The following XRCC4 variants were observed in gnomAD, a reference collection of about 807,000 sequenced individuals.
XRCC4 encodes X-ray repair cross complementing 4.
Under a neutral mutation model 39.1 loss-of-function variants are expected in XRCC4, and 28 were observed. The observed-to-expected ratio is 0.72, with a 90% CI of 0.53 to 0.98. The LOEUF (loss-of-function observed/expected upper bound fraction) is 0.98, where lower values mean the gene tolerates loss of function less well. Ranked by LOEUF, XRCC4 falls within the 50% of genes least tolerant of loss-of-function variation. The probability of loss-of-function intolerance (pLI) is 0.00; values close to 1 mark genes in which losing one functional copy is unlikely to be tolerated. For missense variants in XRCC4, 350 were observed against 376.4 expected, an observed-to-expected ratio of 0.93 and a Z score of 0.58; for synonymous variants, 123 against 126.4, an observed-to-expected ratio of 0.97 and a Z score of 0.18.
chr5:83,248,532 G>A (rs571606312), intron 6 of XRCC4, among the ~76,000 whole-genome samples: 12 of 152,234 alleles, frequency 7.9e-5, no homozygotes, highest in South Asian at 4.2e-4. Context: ...TCTTTGGGGC[G>A]TGACAAGTTT....
intron 3 of XRCC4, among the ~76,000 whole-genome samples, chr5:83,147,626 A>T (rs895760925): frequency 5.3e-5 from 8 of 152,122 alleles, no homozygotes; most frequent in African/African-American, 1.9e-4. Context: ...AATTCAAGGG[A>T]TCTGTTGTAT....
At chr5:83,093,944 C>T (rs1159252973) in intron 1 of XRCC4, among the ~76,000 whole-genome samples, 4 of 152,150 alleles carry the variant, frequency 2.6e-5, no homozygotes, top group Non-Finnish European at 5.9e-5. Context: ...CCACTCTCTC[C>T]TGGTCTGGGG....
At chr5:83,111,891 T>A (rs1580233828) in intron 3 of XRCC4, among the ~76,000 whole-genome samples, 1 of 152,266 alleles carries the variant, frequency 6.6e-6, no homozygotes, top group East Asian at 1.9e-4. Flanking sequence ...ATATATGAGA[T>A]CTATCATTTC....
intron 7 of XRCC4, among the ~76,000 whole-genome samples, chr5:83,349,061 A>G (rs1337356882): frequency 6.6e-6 from 1 of 152,146 alleles, no homozygotes; most frequent in Non-Finnish European, 1.5e-5. Context: ...GGAAGTTCCA[A>G]ACTTTCCCTC....
chr5:83,291,985 G>GTGTA (rs1433034024), intron 7 of XRCC4, among the ~76,000 whole-genome samples: 1 of 149,238 alleles, frequency 6.7e-6, no homozygotes, highest in East Asian at 2.0e-4. Flanking sequence ...GTGTGTGTGT[G>GTGTA]TATTTTATGG....
At chr5:83,182,345 A>G (rs985239535) in intron 3 of XRCC4, among the ~76,000 whole-genome samples, 1 of 152,310 alleles carries the variant, frequency 6.6e-6, no homozygotes, top group Admixed American at 6.5e-5. Context: ...AAATAAATAT[A>G]TAGTATCCAA....
intron 7 of XRCC4, among the ~76,000 whole-genome samples, chr5:83,263,449 A>G (rs1430123836): frequency 6.6e-6 from 1 of 150,526 alleles, no homozygotes; most frequent in African/African-American, 2.4e-5. Flanking sequence ...GAACTAGTTT[A>G]CAGTCCCACC....
chr5:83,328,245 C>G (rs1420161976), intron 7 of XRCC4, among the ~76,000 whole-genome samples: 2 of 152,098 alleles, frequency 1.3e-5, no homozygotes, highest in Admixed American at 1.3e-4. Flanking sequence ...TCAATTACCT[C>G]TCCCTGGGTC....
At chr5:83,150,700 T>C (rs1422503628) in intron 3 of XRCC4, among the ~76,000 whole-genome samples, 1 of 152,146 alleles carries the variant, frequency 6.6e-6, no homozygotes, top group Admixed American at 6.5e-5. Context: ...ATTCCAAAAA[T>C]GTATCCTAGC....
At chr5:83,250,050 T>C (rs1288224092) in intron 6 of XRCC4, among the ~76,000 whole-genome samples, 1 of 152,128 alleles carries the variant, frequency 6.6e-6, no homozygotes, top group Non-Finnish European at 1.5e-5. Flanking sequence ...GACATCTCTG[T>C]GAAGAAATCA....
At chr5:83,129,706 T>G (rs9687699) in intron 3 of XRCC4, among the ~76,000 whole-genome samples, 74,249 of 151,622 alleles carry the variant, frequency 0.49, 19,133 homozygotes, top group African/African-American at 0.63. Flanking sequence ...TTGTAAGTTG[T>G]ATTCCTAGGT....
intron 7 of XRCC4, among the ~76,000 whole-genome samples, chr5:83,339,433 A>G (rs1289629366): frequency 6.7e-6 from 1 of 148,628 alleles, no homozygotes; most frequent in Non-Finnish European, 1.5e-5. Flanking sequence ...ATGGGAACAC[A>G]TGGACGCAGG....
chr5:83,270,440 A>G (rs914330702), intron 7 of XRCC4, among the ~76,000 whole-genome samples: 1 of 152,060 alleles, frequency 6.6e-6, no homozygotes, highest in Non-Finnish European at 1.5e-5. Flanking sequence ...ATTTAATCTC[A>G]TGCTTTCTAC....
At chr5:83,256,360 G>A (rs971972215) in intron 6 of XRCC4, among the ~76,000 whole-genome samples, 2 of 152,102 alleles carry the variant, frequency 1.3e-5, no homozygotes, top group African/African-American at 2.4e-5. Flanking sequence ...CAATTTGTAA[G>A]ACATCATTTG....
At chr5:83,218,483 T>C (rs1454015854) in intron 6 of XRCC4, among the ~76,000 whole-genome samples, 1 of 152,168 alleles carries the variant, frequency 6.6e-6, no homozygotes, top group East Asian at 1.9e-4. Context: ...TAAGAGGACA[T>C]GTACTAAATA....
chr5:83,251,572 C>T (rs961195800), intron 6 of XRCC4, among the ~76,000 whole-genome samples: 9 of 150,396 alleles, frequency 6.0e-5, no homozygotes, highest in African/African-American at 1.2e-4. Context: ...GTTTTGTAGG[C>T]GTAGAACAAT....
intron 4 of XRCC4, among the ~76,000 whole-genome samples, chr5:83,202,437 T>A (rs955205330): frequency 1.3e-5 from 2 of 152,198 alleles, no homozygotes; most frequent in African/African-American, 4.8e-5. Context: ...TATTGCCATA[T>A]TTTCCTTTTT....
chr5:83,176,939 A>G (rs139773779), intron 3 of XRCC4, among the ~76,000 whole-genome samples: 1,887 of 152,294 alleles, frequency 0.012, 22 homozygotes, highest in Non-Finnish European at 0.018. Context: ...GATTCTTGGT[A>G]CCAGTTAATG....
At chr5:83,216,342 G>A (rs1580381958) in intron 6 of XRCC4, among the ~76,000 whole-genome samples, 2 of 152,128 alleles carry the variant, frequency 1.3e-5, no homozygotes, top group East Asian at 3.9e-4. Flanking sequence ...GGCAAAACTT[G>A]AATCCTCATA....
Sources: allele counts gnomAD v4.1 joint callset (sites outside exome capture counted in the v4.1 genomes callset), GRCh38; gene constraint gnomAD v4.1.1; transcripts MANE v1.5; gene names NCBI Gene and HGNC (gene_info 2026-07-23, HGNC 2026-07-21).